TULP3: variants seen among roughly 807,000 people sequenced by gnomAD.
TULP3 encodes the protein tubby-related protein 3.
Under a neutral mutation model 50.7 loss-of-function variants are expected in TULP3, and 38 were observed. That is an observed-to-expected ratio of 0.75 (90% CI 0.58 to 0.98). The LOEUF is 0.98. TULP3 is among the 50% of genes least tolerant of loss of function. The pLI is 0.00. For synonymous variants in TULP3, 183 were observed against 196.6 expected (o/e 0.93, Z 0.58); for missense variants, 550 against 568.0 (o/e 0.97, Z 0.32).
chr12:2,899,069 G>A (rs2098177270), intron 1 of TULP3, among the ~76,000 whole-genome samples: 1 of 152,052 alleles, frequency 6.6e-6, no homozygotes, highest in Admixed American at 6.6e-5. Flanking sequence ...TCATAGGCTG[G>A]GCACAGTGGC....
Position 2,937,647 on chromosome 12 carries a change from G to A in TULP3, c.941G>A (p.Gly314Glu), listed in dbSNP as rs763165864. 1.2e-6 allele frequency: 2 copies of A among 1,611,736 alleles called. No homozygotes were observed. The highest frequency in any genetic ancestry group is 1.7e-6 in the Non-Finnish European group (2 of 1,179,004). The change falls in exon 9 of 11, where the codon GGA becomes GAA. Residue 314 changes from glycine to glutamate, a missense_variant. Coordinates refer to ENST00000448120, the MANE Select transcript of TULP3 (RefSeq NM_003324.5). ...ATCTTCCAGGAAACAAACGTACTTG[G>A]ATTTAAAGGTCCTAGGAAAATGTCT... ...AAISYETNVL[G>E]FKGPRKMSVI...
chr12:2,940,484 C>T lies in TULP3; in HGVS notation c.*1040C>T. On this transcript the variant is annotated 3_prime_UTR_variant, in exon 11 of 11. Transcript: ENST00000448120. ...TTGCTACGTTTTTTTGATTATTACACCCCTCCACGTATTATGTGACTCTTA... is the reference window on the plus strand; with the variant it reads ...TTGCTACGTTTTTTTGATTATTACATCCCTCCACGTATTATGTGACTCTTA... The T allele has an allele frequency of 6.6e-7, 1 of 1,504,140 alleles. No individual in the cohort carries two copies. The highest frequency in any genetic ancestry group is 8.9e-7 in the Non-Finnish European group (1 of 1,123,770). 93.2% of individuals were successfully genotyped at this position (1,504,140 alleles called of 1,614,324 possible).
chr12:2,909,316 T>TA (rs1487202011), intron 1 of TULP3, among the ~76,000 whole-genome samples: 4 of 152,108 alleles, frequency 2.6e-5, no homozygotes, highest in Non-Finnish European at 5.9e-5. Context: ...GTCCTTGGAG[T>TA]ATTTCAGTCT....
At chr12:2,899,661 A>G (rs1381980945) in intron 1 of TULP3, among the ~76,000 whole-genome samples, 1 of 152,184 alleles carries the variant, frequency 6.6e-6, no homozygotes, top group South Asian at 2.1e-4. Context: ...TGGGAGGCCA[A>G]GGTGGGCGGA....
chr12:2,906,706 A>G (rs1367525165), intron 1 of TULP3, among the ~76,000 whole-genome samples: 2 of 150,758 alleles, frequency 1.3e-5, no homozygotes, highest in Non-Finnish European at 3.0e-5. Flanking sequence ...ACCTGAGGTC[A>G]GGAGTTTGAG....
chr12:2,937,646 G>C lies in TULP3; in HGVS notation c.940G>C (p.Gly314Arg). 1.9e-6 allele frequency: 3 copies of C among 1,611,588 alleles called. No individual in the cohort carries two copies. Among genetic ancestry groups the C allele is most frequent in the South Asian group, 1.1e-5 (1 of 90,518 alleles). ...TATCTTCCAGGAAACAAACGTACTT[G>C]GATTTAAAGGTCCTAGGAAAATGTC... Reference protein sequence around the residue: ...AAISYETNVLGFKGPRKMSVI... With the variant: ...AAISYETNVLRFKGPRKMSVI... Residue 314 changes from glycine (G) to arginine (R), a missense_variant, in exon 9 of 11, where the codon GGA becomes CGA. Transcript: ENST00000448120.
intron 7 of TULP3, 147 bp downstream of exon 7, chr12:2,933,677 G>A (rs1010996907): frequency 2.0e-4 from 103 of 507,196 alleles, no homozygotes; most frequent in Non-Finnish European, 3.0e-4. Context: ...AAAGCTGGGC[G>A]CAGTGGCTCA....
rs71057864 is a variant in TULP3 at position 2,927,366 on chromosome 12, A to ATT, written c.395-2865_395-2864dup. Among the ~76,000 whole-genome samples, 11 of 105,186 alleles carry ATT rather than the reference A, an allele frequency of 1.0e-4. 1 individual carries two copies. Among genetic ancestry groups the ATT allele is most frequent in the East Asian group, 9.3e-4 (3 of 3,220 alleles). The allele number at this position is 105,186 out of a possible 152,430, so 69.0% of individuals were successfully genotyped here. A position where few individuals can be genotyped will look rare whatever the true frequency, so the allele number is the denominator to read the frequency against. ...GGACCTATGTTTTCAGTTGAGACTGATTTTTTTTTTTTTTTTTTGAGACCA... is the reference window on the plus strand; with the variant it reads ...GGACCTATGTTTTCAGTTGAGACTGATTTTTTTTTTTTTTTTTTTTGAGACCA... On this transcript the variant is annotated intron_variant, in intron 4 of 10. Coordinates refer to ENST00000448120, the MANE Select transcript of TULP3 (RefSeq NM_003324.5).
At position 2,934,496 on chromosome 12, in the gene TULP3, C is replaced by G. The variant is rs1347420524; in HGVS notation, c.859C>G (p.Pro287Ala). The G allele has an allele frequency of 6.2e-7, 1 of 1,604,776 alleles. No homozygotes were observed. The highest frequency in any genetic ancestry group is 1.3e-5 in the African/African-American group (1 of 74,454). Residue 287 changes from proline to alanine, a missense_variant, in exon 8 of 11, where the codon CCC (proline) becomes GCC (alanine). Pro to Ala is a conservative substitution (Grantham distance 27). Coordinates refer to ENST00000448120, the MANE Select transcript of TULP3 (RefSeq NM_003324.5). ...KFTVYDRGIC[P>A]MKGRGLVGAA... ...TACAGTTTATGACCGTGGCATCTGC[C>G]CCATGAAGGGCCGGGGTTTGGTAGG...
intron 2 of TULP3, among the ~76,000 whole-genome samples, chr12:2,911,744 G>GT (rs926148454): frequency 1.7e-4 from 22 of 127,764 alleles, no homozygotes; most frequent in African/African-American, 2.3e-4. Flanking sequence ...TTTTATAGGA[G>GT]TTTTTTTTAC....
At chr12:2,918,728 C>T (rs1055991299) in intron 2 of TULP3, among the ~76,000 whole-genome samples, 2 of 151,068 alleles carry the variant, frequency 1.3e-5, no homozygotes, top group African/African-American at 2.4e-5. Flanking sequence ...TTAGTAGAGA[C>T]GGGGTTTCTC....
intron 2 of TULP3, among the ~76,000 whole-genome samples, chr12:2,914,164 G>A (rs1035967409): frequency 8.0e-6 from 1 of 125,136 alleles, no homozygotes; most frequent in African/African-American, 3.3e-5. Flanking sequence ...TGCTCTTGTC[G>A]CCCAGGCTGG....
rs574600351 is a variant in TULP3, at chr12:2,937,502, C to T, written c.925-129C>T. 5.2e-4 allele frequency: 370 copies of T among 717,326 alleles called. 1 individual carries two copies. Among genetic ancestry groups the T allele is most frequent in the Non-Finnish European group, 6.8e-4 (279 of 409,066 alleles). 44.4% of individuals were successfully genotyped at this position (717,326 alleles called of 1,614,324 possible). A position where few individuals can be genotyped will look rare whatever the true frequency, so the allele number is the denominator to read the frequency against. On this transcript the variant is annotated intron_variant, in intron 8 of 10. Coordinates refer to ENST00000448120, the MANE Select transcript of TULP3 (RefSeq NM_003324.5). ...AAAGTGCTGGGATTATAGGCGTGAT[C>T]CACTGCCCCGGCTGATACAGCTGAT...
chr12:2,931,538 C>T (rs1219501483), intron 6 of TULP3, among the ~76,000 whole-genome samples: 4 of 152,198 alleles, frequency 2.6e-5, no homozygotes. Context: ...TTGAATGTTA[C>T]TGTTTGTTCT....
intron 1 of TULP3, among the ~76,000 whole-genome samples, chr12:2,899,388 A>G (rs2098177544): frequency 6.6e-6 from 1 of 151,432 alleles, no homozygotes; most frequent in African/African-American, 2.4e-5. Context: ...TCTTAGCTCA[A>G]AGGCAGTACA....
chr12:2,940,940 A>T lies in TULP3; in HGVS notation c.*1496A>T. 4 of 559,816 alleles carry T rather than the reference A, an allele frequency of 7.1e-6. No homozygotes were observed. Among genetic ancestry groups the T allele is most frequent in the Non-Finnish European group, 1.3e-5 (4 of 316,390 alleles). The allele number at this position is 559,816 out of a possible 1,614,324, so 34.7% of individuals were successfully genotyped here. On this transcript the variant is annotated 3_prime_UTR_variant, in exon 11 of 11. Coordinates refer to ENST00000448120, the MANE Select transcript of TULP3 (RefSeq NM_003324.5). Reference sequence around the variant, plus strand: ...GGCAGATAACCCTGGTTGGCCACAGAAGCTATTAATACACGACAGCATGTG... The same window carrying T: ...GGCAGATAACCCTGGTTGGCCACAGTAGCTATTAATACACGACAGCATGTG...
At chr12:2,891,130 G>A in intron 1 of TULP3, 142 bp downstream of exon 1, 2 of 981,530 alleles carry the variant, frequency 2.0e-6, no homozygotes, top group Non-Finnish European at 2.8e-6. Flanking sequence ...TTCGGCGGCG[G>A]GAGGCGACCC....
intron 4 of TULP3, among the ~76,000 whole-genome samples, chr12:2,929,822 TTCG>T (rs1198183717): frequency 1.3e-5 from 2 of 151,622 alleles, no homozygotes; most frequent in East Asian, 3.9e-4. Flanking sequence ...ATCTCCTGAC[TTCG>T]TGATCTGCCC....
chr12:2,922,208 C>G, intron 3 of TULP3, 54 bp from the exon 4 acceptor site: 1 of 1,578,734 alleles, frequency 6.3e-7, no homozygotes, highest in Non-Finnish European at 8.6e-7. Context: ...ATCTACCCAA[C>G]TAGTGAATAA....
Sources: allele counts gnomAD v4.1 joint callset (sites outside exome capture counted in the v4.1 genomes callset), GRCh38; gene constraint gnomAD v4.1.1; transcripts MANE v1.5; gene names NCBI Gene and HGNC (gene_info 2026-07-23, HGNC 2026-07-21).